The following PRH1 variants were observed in gnomAD, a reference collection of about 807,000 sequenced individuals.
PRH1 encodes proline rich protein HaeIII subfamily 1.
In PRH1, 7 loss-of-function variants were observed where a neutral mutation model predicts 7.9. That is an observed-to-expected ratio of 0.89 (90% CI 0.50 to 1.67). The LOEUF (loss-of-function observed/expected upper bound fraction) is 1.67, where lower values mean the gene tolerates loss of function less well. Ranked by LOEUF, PRH1 falls within the 40% of genes most tolerant of loss-of-function variation. The pLI is 0.00. For synonymous variants in PRH1, 45 were observed against 80.8 expected (o/e 0.56, Z 2.38); for missense variants, 109 against 223.6 (o/e 0.49, Z 3.27).
At chr12:11,164,052 C>A (rs1947496736) in intron 1 of PRH1, among the ~76,000 whole-genome samples, 1 of 152,134 alleles carries the variant, frequency 6.6e-6, no homozygotes, top group Non-Finnish European at 1.5e-5. Flanking sequence ...GCCAGAGGCA[C>A]CTGATATCAT....
At chr12:11,073,787 C>A (rs1241086298) in intron 1 of PRH1, among the ~76,000 whole-genome samples, 1 of 152,170 alleles carries the variant, frequency 6.6e-6, no homozygotes, top group African/African-American at 2.4e-5. Context: ...GCATCGTGGG[C>A]ATTATAGGAC....
rs751742264 is a variant in PRH1 at position 11,061,867 on chromosome 12, T to G, written n.124-14679A>C. On this transcript the variant is annotated intron_variant and non_coding_transcript_variant, in intron 1 of 4. Transcript: ENST00000541977. ...CTGATTCATGTTTATCACAAAAAGA[T>G]GACAAACCAAAAATAGCAAAGGCCC... 4.0e-5 allele frequency: 64 copies of G among 1,614,084 alleles called. No homozygotes were observed. The South Asian group carries it at 6.4e-4, about 16-fold the overall frequency.
chr12:11,107,385 G>C (rs1338000713), intron 1 of PRH1, among the ~76,000 whole-genome samples: 4 of 152,082 alleles, frequency 2.6e-5, no homozygotes, highest in African/African-American at 9.7e-5. Context: ...GAAATAAAAG[G>C]CCAAAATTAT....
intron 1 of PRH1, chr12:10,986,924 C>G: frequency 8.5e-7 from 1 of 1,181,150 alleles, no homozygotes. Context: ...TTCTTTAATA[C>G]TCTGACCTTA....
chr12:10,997,173 G>A, intron 1 of PRH1: 1 of 1,614,064 alleles, frequency 6.2e-7, no homozygotes, highest in Middle Eastern at 1.7e-4. Flanking sequence ...AGTAATATGA[G>A]GAAGGAGGTC....
intron 2 of PRH1, among the ~76,000 whole-genome samples, chr12:10,953,368 T>C (rs749648788): frequency 6.6e-6 from 1 of 152,112 alleles, no homozygotes; most frequent in Admixed American, 6.5e-5. Flanking sequence ...AGGAACGCCA[T>C]AAAATGATAC....
Position 11,089,172 on chromosome 12 carries a change from C to T in PRH1, n.124-41984G>A, listed in dbSNP as rs1306866478. On this transcript the variant is annotated intron_variant and non_coding_transcript_variant, in intron 1 of 4. Coordinates refer to the PRH1 transcript ENST00000541977. ...CTATTCCCCTGGCTAGTACCTTGCC[C>T]GATCCAGGTCATCATTCCATTTGGG... is the stretch of plus-strand genomic sequence containing the variant. Among the ~76,000 whole-genome samples the T allele has an allele frequency of 1.7e-5, 2 of 115,316 alleles. 1 individual carries two copies. Among genetic ancestry groups the T allele is most frequent in the Admixed American group, 1.7e-4 (2 of 11,506 alleles). The allele number at this position is 115,316 out of a possible 152,430, so 75.7% of individuals were successfully genotyped here. A position where few individuals can be genotyped will look rare whatever the true frequency, so the allele number is the denominator to read the frequency against.
chr12:11,019,330 T>C (rs1041561172), intron 1 of PRH1, among the ~76,000 whole-genome samples: 1 of 152,050 alleles, frequency 6.6e-6, no homozygotes, highest in African/African-American at 2.4e-5. Flanking sequence ...CATATCAACA[T>C]CACGACACAT....
intron 1 of PRH1, among the ~76,000 whole-genome samples, chr12:11,023,061 C>T (rs1475051210): frequency 1.3e-5 from 2 of 152,112 alleles, no homozygotes; most frequent in Non-Finnish European, 2.9e-5. Flanking sequence ...TAACTAGGAT[C>T]ATACCAATAT....
At chr12:11,105,693 T>G (rs1947797472) in intron 1 of PRH1, among the ~76,000 whole-genome samples, 1 of 152,198 alleles carries the variant, frequency 6.6e-6, no homozygotes, top group Admixed American at 6.5e-5. Context: ...GTTCAGCAAC[T>G]TCAGTTGTTA....
At chr12:11,134,577 G>T in intron 1 of PRH1, 1 of 263,946 alleles carries the variant, frequency 3.8e-6, no homozygotes, top group Non-Finnish European at 7.1e-6. Context: ...ATGCAAACAA[G>T]GACATGTTCA....
intron 1 of PRH1, among the ~76,000 whole-genome samples, chr12:11,144,082 G>T (rs1262529859): frequency 6.6e-6 from 1 of 152,280 alleles, no homozygotes; most frequent in Admixed American, 6.5e-5. Flanking sequence ...CCAGGAGGTG[G>T]TGCTTTCCAG....
chr12:11,059,188 T>C (rs1943487202), intron 1 of PRH1, among the ~76,000 whole-genome samples: 1 of 152,192 alleles, frequency 6.6e-6, no homozygotes, highest in Non-Finnish European at 1.5e-5. Flanking sequence ...CCTGGACTAA[T>C]GCCGGCTGTG....
At chr12:11,018,975 G>T (rs1941443332) in intron 1 of PRH1, among the ~76,000 whole-genome samples, 1 of 150,230 alleles carries the variant, frequency 6.7e-6, no homozygotes, top group African/African-American at 2.4e-5. Flanking sequence ...GGGAAACATA[G>T]GGAAAGGGGA....
At chr12:11,150,680 G>A (rs1229852838) in intron 1 of PRH1, among the ~76,000 whole-genome samples, 2 of 152,074 alleles carry the variant, frequency 1.3e-5, no homozygotes, top group African/African-American at 2.4e-5. Context: ...TGGGGTTGGG[G>A]GAAGGGGAAG....
intron 2 of PRH1, among the ~76,000 whole-genome samples, chr12:10,911,138 A>C (rs1050374740): frequency 6.6e-6 from 1 of 152,132 alleles, no homozygotes; most frequent in African/African-American, 2.4e-5. Flanking sequence ...GATCTTTTAT[A>C]CTTTTTCATT....
At chr12:11,106,740 C>A (rs1258214706) in intron 1 of PRH1, among the ~76,000 whole-genome samples, 2 of 151,632 alleles carry the variant, frequency 1.3e-5, no homozygotes, top group African/African-American at 4.8e-5. Context: ...ATTGTGGAGT[C>A]AGACTGCCAA....
chr12:10,992,427 GAGTC>G (rs1301130349), intron 1 of PRH1, among the ~76,000 whole-genome samples: 1 of 152,104 alleles, frequency 6.6e-6, no homozygotes, highest in African/African-American at 2.4e-5. Flanking sequence ...TTTAGAGACA[GAGTC>G]TTGTTTGGTT....
At chr12:10,962,121 C>T (rs1205583837) in intron 2 of PRH1, among the ~76,000 whole-genome samples, 1 of 152,132 alleles carries the variant, frequency 6.6e-6, no homozygotes. Flanking sequence ...AGTTCTAGAC[C>T]TCCAAAGCTA....
Sources: gnomAD v4.1 joint callset for allele counts (sites outside exome capture counted in the v4.1 genomes callset) on GRCh38, gnomAD v4.1.1 for gene constraint, MANE v1.5 for transcripts, NCBI Gene and HGNC (gene_info 2026-07-23, HGNC 2026-07-21) for gene names.